Variants in CREB5 observed in about 807,000 individuals in gnomAD.
CREB5 encodes cyclic AMP-responsive element-binding protein 5.
In CREB5, 19 loss-of-function variants were observed where a neutral mutation model predicts 57.1. The ratio of observed to expected loss-of-function variants is 0.33; its 90% CI spans 0.23 to 0.49. The LOEUF (loss-of-function observed/expected upper bound fraction) is 0.49. Among genes scored for constraint, CREB5 ranks in the 20% least tolerant of loss-of-function variants. The probability of loss-of-function intolerance (pLI) is 0.99; values close to 1 mark genes in which losing one functional copy is unlikely to be tolerated. For missense variants in CREB5, 579 were observed against 671.6 expected (o/e 0.86, Z 1.52); for synonymous variants, 238 against 238.3 (o/e 1.00, Z 0.01).
chr7:28,299,585 G>A (rs1368106886), intron 1 of CREB5: 1 of 152,138 alleles, frequency 6.6e-6, no homozygotes, highest in African/African-American at 2.4e-5. Context: ...TACAGATATG[G>A]AACATTTCCC....
intron 5 of CREB5, among the ~76,000 whole-genome samples, chr7:28,619,049 A>C (rs1026997999): frequency 6.6e-6 from 1 of 152,224 alleles, no homozygotes; most frequent in Non-Finnish European, 1.5e-5. Context: ...AAGAAAATAA[A>C]AATAGCCACT....
chr7:28,778,611 C>T (rs1806791696), intron 7 of CREB5, among the ~76,000 whole-genome samples: 1 of 152,162 alleles, frequency 6.6e-6, no homozygotes, highest in East Asian at 1.9e-4. Flanking sequence ...GAAATGAATT[C>T]AAATTACTTT....
intron 6 of CREB5, among the ~76,000 whole-genome samples, chr7:28,722,176 CTA>C (rs1803067845): frequency 6.6e-6 from 1 of 152,188 alleles, no homozygotes; most frequent in African/African-American, 2.4e-5. Context: ...TAGGTAGAGA[CTA>C]TAGCTTTTCC....
At chr7:28,318,375 A>C (rs7811922) in intron 1 of CREB5, among the ~76,000 whole-genome samples, 61,301 of 152,218 alleles carry the variant, frequency 0.4, 13,636 homozygotes, top group African/African-American at 0.58. Flanking sequence ...ATATCCATGC[A>C]AGACAAAAGT....
At chr7:28,493,863 A>G (rs890875384) in intron 2 of CREB5, among the ~76,000 whole-genome samples, 1 of 152,204 alleles carries the variant, frequency 6.6e-6, no homozygotes, top group African/African-American at 2.4e-5. Flanking sequence ...ATAATTTGTC[A>G]TGTTACTCTA....
chr7:28,705,500 C>A (rs1802065892), intron 5 of CREB5, among the ~76,000 whole-genome samples: 1 of 152,142 alleles, frequency 6.6e-6, no homozygotes. Context: ...TACTGTCAGT[C>A]ACTTTCCGTT....
chr7:28,575,258 T>G lies in CREB5; in HGVS notation c.464+4721T>G, dbSNP rs189558724. Among the ~76,000 whole-genome samples, 476 of 152,342 alleles carry G rather than the reference T, an allele frequency of 3.1e-3. 1 individual carries two copies. The highest frequency in any genetic ancestry group is 0.011 in the African/African-American group (458 of 41,566). On this transcript the variant is annotated intron_variant, in intron 5 of 10. Transcript: ENST00000357727. The stretch of plus-strand genomic sequence containing the variant: ...CTACGAGTCATGTGGCTTTGCTGTG[T>G]GAGTTCACGTTCCTGCCCAGTGTTC...
At chr7:28,541,434 G>A (rs1173178318) in intron 4 of CREB5, among the ~76,000 whole-genome samples, 2 of 152,142 alleles carry the variant, frequency 1.3e-5, no homozygotes, top group South Asian at 2.1e-4. Flanking sequence ...TTGGGAGACC[G>A]AGACAGGTGG....
chr7:28,560,909 C>CGTGCGCGTGTGTGT (rs1562797731), intron 4 of CREB5, among the ~76,000 whole-genome samples: 1 of 32,692 alleles, frequency 3.1e-5, no homozygotes, highest in African/African-American at 1.6e-4. Context: ...TGCGCGCGTG[C>CGTGCGCGTGTGTGT]GTGTGCGTGT....
intron 5 of CREB5, among the ~76,000 whole-genome samples, chr7:28,571,950 T>C (rs1203841857): frequency 6.6e-6 from 1 of 152,250 alleles, no homozygotes; most frequent in African/African-American, 2.4e-5. Context: ...ATCAACATTC[T>C]GTTTGAATTT....
intron 4 of CREB5, among the ~76,000 whole-genome samples, chr7:28,560,855 T>TGCGTGCGCGTGCGTGCGC (rs1554344299): frequency 1.8e-5 from 1 of 56,430 alleles, no homozygotes; most frequent in Non-Finnish European, 3.5e-5. Context: ...CGCGTGTGTG[T>TGCGTGCGCGTGCGTGCGC]GTGCGTGTGC....
At chr7:28,403,054 A>C (rs1787506128) in intron 1 of CREB5, among the ~76,000 whole-genome samples, 1 of 152,242 alleles carries the variant, frequency 6.6e-6, no homozygotes, top group African/African-American at 2.4e-5. Flanking sequence ...TAGGGTTAAT[A>C]ATTATACAAC....
At chr7:28,567,642 G>A (rs1178448789) in intron 4 of CREB5, among the ~76,000 whole-genome samples, 1 of 152,244 alleles carries the variant, frequency 6.6e-6, no homozygotes, top group African/African-American at 2.4e-5. Flanking sequence ...TTCGGTGAGT[G>A]TGGGCAGGAA....
intron 1 of CREB5, among the ~76,000 whole-genome samples, chr7:28,347,464 A>C (rs1291267325): frequency 6.6e-6 from 1 of 152,210 alleles, no homozygotes; most frequent in Non-Finnish European, 1.5e-5. Flanking sequence ...CCCTTTAAAA[A>C]ATGAAGTGAG....
chr7:28,741,312 T>C (rs1386366715), intron 7 of CREB5, among the ~76,000 whole-genome samples: 1 of 152,170 alleles, frequency 6.6e-6, no homozygotes, highest in Non-Finnish European at 1.5e-5. Flanking sequence ...ATAACGTATC[T>C]GAAAGAGCCT....
chr7:28,727,087 A>G lies in CREB5; in HGVS notation c.702+2755A>G, dbSNP rs570712365. On this transcript the variant is annotated intron_variant, in intron 7 of 10. Transcript: ENST00000357727. Reference sequence around the variant, plus strand: ...GTTCTCCAGCGCATTAATCTAGGACATCCTAGATCAAGAAGCACATGTGCA... The same window carrying G: ...GTTCTCCAGCGCATTAATCTAGGACGTCCTAGATCAAGAAGCACATGTGCA... Among the ~76,000 whole-genome samples the G allele has an allele frequency of 9.3e-4, 141 of 151,804 alleles. 1 individual carries two copies. Among genetic ancestry groups the G allele is most frequent in the African/African-American group, 3.1e-3 (129 of 41,392 alleles).
intron 5 of CREB5, among the ~76,000 whole-genome samples, chr7:28,702,455 A>T (rs1049587930): frequency 2.6e-5 from 4 of 152,252 alleles, no homozygotes; most frequent in African/African-American, 9.6e-5. Flanking sequence ...TATTACCAAT[A>T]TCATGAGGCA....
At chr7:28,417,532 C>T (rs533572804) in intron 1 of CREB5, among the ~76,000 whole-genome samples, 1 of 152,264 alleles carries the variant, frequency 6.6e-6, no homozygotes, top group South Asian at 2.1e-4. Flanking sequence ...AGTAGTACCA[C>T]CTGTGGAACT....
At position 28,333,426 on chromosome 7, in the gene CREB5, A is replaced by C. The variant is rs573386321; in HGVS notation, c.-25+33985A>C. Among the ~76,000 whole-genome samples, 7 of 152,310 alleles carry C rather than the reference A, an allele frequency of 4.6e-5. No homozygotes were observed. The South Asian group carries it at 1.5e-3, about 32-fold the overall frequency. On this transcript the variant is annotated intron_variant, in intron 1 of 9. Transcript: ENST00000396299. ...CCGATTATACTCTTTCAGTTATGTTAAAATGTACAATTAAATCATTATTGA... is the reference window on the plus strand; with the variant it reads ...CCGATTATACTCTTTCAGTTATGTTCAAATGTACAATTAAATCATTATTGA...
Sources: gnomAD v4.1 joint callset for allele counts (sites outside exome capture counted in the v4.1 genomes callset) on GRCh38, gnomAD v4.1.1 for gene constraint, MANE v1.5 for transcripts, NCBI Gene and HGNC (gene_info 2026-07-23, HGNC 2026-07-21) for gene names.